Variants in MAGI1 observed in about 807,000 individuals in gnomAD.
MAGI1 encodes the protein membrane-associated guanylate kinase, WW and PDZ domain-containing protein 1.
MAGI1 carries 58 observed loss-of-function variants against 139.9 expected under a neutral mutation model. The observed-to-expected ratio is 0.41, with a 90% CI of 0.34 to 0.52. MAGI1 has a LOEUF of 0.52. Ranked by LOEUF, MAGI1 falls within the 20% of genes least tolerant of loss-of-function variation. The pLI, the probability that MAGI1 is intolerant of heterozygous loss-of-function variation, is 0.12. For missense variants in MAGI1, 1,874 were observed against 1,901.6 expected (o/e 0.99, Z 0.27); for synonymous variants, 812 against 737.9 (o/e 1.10, Z -1.63).
intron 1 of MAGI1, among the ~76,000 whole-genome samples, chr3:65,893,060 A>C (rs1328867669): frequency 1.3e-5 from 2 of 152,178 alleles, no homozygotes; most frequent in African/African-American, 4.8e-5. Flanking sequence ...TTAAGTAACA[A>C]TCCATTCTTC....
intron 4 of MAGI1, 32 bp from the exon 5 acceptor site, chr3:65,470,516 A>AGG: frequency 7.2e-7 from 1 of 1,389,830 alleles, no homozygotes; most frequent in Non-Finnish European, 9.8e-7. Flanking sequence ...TGAGAGAGAG[A>AGG]GAGAGAGAAA....
At chr3:65,718,712 C>T (rs2032591990) in intron 1 of MAGI1, 1 of 152,062 alleles carries the variant, frequency 6.6e-6, no homozygotes, top group African/African-American at 2.4e-5. Flanking sequence ...TGATATAACA[C>T]TGAGGACAAC....
chr3:65,478,916 A>T (rs1951070797), intron 3 of MAGI1, 118 bp from the exon 4 acceptor site: 3 of 736,132 alleles, frequency 4.1e-6, no homozygotes. Context: ...GAAAACCAGA[A>T]CAAACTGTAT....
At chr3:65,454,555 T>TAATAATA (rs1457403082) in intron 5 of MAGI1, among the ~76,000 whole-genome samples, 3 of 135,644 alleles carry the variant, frequency 2.2e-5, no homozygotes, top group African/African-American at 8.2e-5. Flanking sequence ...ATAATAATAA[T>TAATAATA]AAAAAAATAC....
intron 1 of MAGI1, among the ~76,000 whole-genome samples, chr3:65,966,953 A>AT: frequency 6.6e-6 from 1 of 152,298 alleles, no homozygotes; most frequent in African/African-American, 2.4e-5. Flanking sequence ...TCGTACATGT[A>AT]TTAATACATT....
Position 65,768,888 on chromosome 3 carries a change from C to T in MAGI1, c.314-146800G>A, listed in dbSNP as rs2037714074. On this transcript the variant is annotated intron_variant, in intron 1 of 22. Coordinates refer to ENST00000402939, the MANE Select transcript of MAGI1 (RefSeq NM_001033057.2). Reference sequence around the variant, plus strand: ...TGCTCCGTACAGAGAATAATATTTTCCCCTTTAAACTCCAGGGACAAAGCA... The same window carrying T: ...TGCTCCGTACAGAGAATAATATTTTTCCCTTTAAACTCCAGGGACAAAGCA... 2.0e-5 allele frequency among the ~76,000 whole-genome samples: 3 copies of T among 152,252 alleles called. 1 individual carries two copies. The South Asian group carries it at 6.2e-4, about 32-fold the overall frequency.
At chr3:65,855,550 A>C (rs77660425) in intron 1 of MAGI1, among the ~76,000 whole-genome samples, 3,350 of 120,306 alleles carry the variant, frequency 0.028, 169 homozygotes, top group African/African-American at 0.1. Context: ...TGCAGTGAGC[A>C]ATGATGAGAC....
intron 16 of MAGI1, among the ~76,000 whole-genome samples, chr3:65,381,189 T>C (rs1250548699): frequency 1.3e-5 from 2 of 152,088 alleles, no homozygotes; most frequent in African/African-American, 4.8e-5. Flanking sequence ...TGTCTCAAAA[T>C]GGCAGATTCT....
intron 1 of MAGI1, among the ~76,000 whole-genome samples, chr3:66,015,884 C>A (rs573642562): frequency 6.6e-6 from 1 of 152,304 alleles, no homozygotes; most frequent in Non-Finnish European, 1.5e-5. Flanking sequence ...GCTCTATCAT[C>A]ATTTGTAGCT....
At chr3:65,726,063 A>G (rs151059396) in intron 1 of MAGI1, among the ~76,000 whole-genome samples, 7 of 152,352 alleles carry the variant, frequency 4.6e-5, no homozygotes, top group Non-Finnish European at 7.4e-5. Flanking sequence ...GGCAGAGTAT[A>G]GTAAAGAAAT....
At chr3:65,685,910 T>C (rs1218338262) in intron 1 of MAGI1, among the ~76,000 whole-genome samples, 1 of 152,168 alleles carries the variant, frequency 6.6e-6, no homozygotes, top group Non-Finnish European at 1.5e-5. Flanking sequence ...CCCTGAAAAT[T>C]ATCTCCATTT....
At chr3:65,777,228 C>A (rs1211870071) in intron 1 of MAGI1, among the ~76,000 whole-genome samples, 1 of 152,096 alleles carries the variant, frequency 6.6e-6, no homozygotes, top group Non-Finnish European at 1.5e-5. Context: ...GCTGTGTGAC[C>A]TCAGAGAAGT....
At chr3:65,423,568 T>A (rs112394453) in intron 12 of MAGI1, among the ~76,000 whole-genome samples, 1 of 152,248 alleles carries the variant, frequency 6.6e-6, no homozygotes, top group Non-Finnish European at 1.5e-5. Context: ...TCTTTATGCA[T>A]AAGATATAGT....
intron 1 of MAGI1, among the ~76,000 whole-genome samples, chr3:65,965,310 G>C (rs760117632): frequency 2.0e-5 from 3 of 151,960 alleles, no homozygotes; most frequent in Non-Finnish European, 2.9e-5. Flanking sequence ...ACTATTCCAC[G>C]TTACCCTTTT....
At chr3:65,430,246 GGT>G in intron 11 of MAGI1, 106 bp from the exon 12 acceptor site, 1 of 1,138,090 alleles carries the variant, frequency 8.8e-7, no homozygotes. Flanking sequence ...ACTGCATGTG[GGT>G]GTGATACTAT....
intron 1 of MAGI1, among the ~76,000 whole-genome samples, chr3:65,924,377 T>C (rs1236615091): frequency 6.6e-6 from 1 of 152,170 alleles, no homozygotes; most frequent in East Asian, 1.9e-4. Flanking sequence ...CCCAGAACAC[T>C]GTAAAATTAG....
intron 1 of MAGI1, among the ~76,000 whole-genome samples, chr3:65,884,341 A>T (rs2060449422): frequency 6.6e-6 from 1 of 152,248 alleles, no homozygotes; most frequent in Non-Finnish European, 1.5e-5. Context: ...TTACTGATAC[A>T]CAAGGAAAAA....
At chr3:65,691,430 T>G (rs1478719621) in intron 1 of MAGI1, among the ~76,000 whole-genome samples, 2 of 152,176 alleles carry the variant, frequency 1.3e-5, no homozygotes, top group Non-Finnish European at 2.9e-5. Context: ...CAATTACTTT[T>G]GCACCAACCT....
chr3:65,478,847 G>GTTTT, intron 3 of MAGI1, 49 bp from the exon 4 acceptor site: 1 of 1,343,196 alleles, frequency 7.4e-7, no homozygotes, highest in Non-Finnish European at 1.1e-6. Flanking sequence ...AATACTTTGT[G>GTTTT]TTTTTTTTTA....
Sources: allele counts gnomAD v4.1 joint callset (sites outside exome capture counted in the v4.1 genomes callset), GRCh38; gene constraint gnomAD v4.1.1; transcripts MANE v1.5; gene names NCBI Gene and HGNC (gene_info 2026-07-23, HGNC 2026-07-21).